Variants in UMAD1 observed in about 807,000 individuals in gnomAD.
The protein encoded by UMAD1 is UBAP1-MVB12-associated (UMA) domain containing 1.
A neutral mutation model predicts 6.1 loss-of-function variants in UMAD1; 8 were observed. The ratio of observed to expected loss-of-function variants is 1.30; its 90% CI spans 0.76 to 2.35. UMAD1 has a LOEUF of 2.35. Among genes scored for constraint, UMAD1 ranks in the 30% most tolerant of loss-of-function variants. The pLI, the probability that UMAD1 is intolerant of heterozygous loss-of-function variation, is 0.00. For synonymous variants in UMAD1, 56 were observed against 31.4 expected (o/e 1.78, Z -2.61); for missense variants, 130 against 78.4 (o/e 1.66, Z -2.49).
At chr7:7,700,506 C>T (rs562547360) in intron 2 of UMAD1, among the ~76,000 whole-genome samples, 1 of 152,198 alleles carries the variant, frequency 6.6e-6, no homozygotes, top group African/African-American at 2.4e-5. Context: ...GGGAAGATCG[C>T]TTGAGGCCAT....
At chr7:7,664,659 TGAA>T (rs1341109208) in intron 1 of UMAD1, among the ~76,000 whole-genome samples, 1 of 152,220 alleles carries the variant, frequency 6.6e-6, no homozygotes, top group Non-Finnish European at 1.5e-5. Context: ...ACACATCAGA[TGAA>T]GTTAAACTCA....
At chr7:7,687,935 A>G (rs1780078426) in intron 2 of UMAD1, among the ~76,000 whole-genome samples, 1 of 152,226 alleles carries the variant, frequency 6.6e-6, no homozygotes, top group Non-Finnish European at 1.5e-5. Flanking sequence ...AGCTGAAAAT[A>G]TGCTTGGCAG....
intron 3 of UMAD1, among the ~76,000 whole-genome samples, chr7:7,803,830 G>A (rs913337528): frequency 9.9e-5 from 15 of 151,900 alleles, no homozygotes; most frequent in Non-Finnish European, 2.1e-4. Context: ...TAATACAGTC[G>A]CCTTGGGGAT....
chr7:7,663,574 TTTAAAAGAGGA>T (rs1277282023), intron 1 of UMAD1, among the ~76,000 whole-genome samples: 2 of 152,088 alleles, frequency 1.3e-5, no homozygotes, highest in Non-Finnish European at 2.9e-5. Context: ...AAGGATAAAT[TTTAAAAGAGGA>T]TTAAATCAGG....
intron 3 of UMAD1, among the ~76,000 whole-genome samples, chr7:7,816,751 A>G (rs942127535): frequency 1.3e-5 from 2 of 151,530 alleles, no homozygotes; most frequent in Admixed American, 6.6e-5. Context: ...CTTTATTTCT[A>G]CCTCCTCTGG....
At chr7:7,811,579 A>G (rs900615805) in intron 3 of UMAD1, among the ~76,000 whole-genome samples, 8 of 152,268 alleles carry the variant, frequency 5.3e-5, no homozygotes, top group Middle Eastern at 3.4e-3. Flanking sequence ...ATTAGGTGCA[A>G]TGTTTGAGCG....
chr7:7,768,941 T>A (rs1782048139), intron 2 of UMAD1, among the ~76,000 whole-genome samples: 3 of 152,186 alleles, frequency 2.0e-5, no homozygotes, highest in Admixed American at 2.0e-4. Context: ...AACTAATTAA[T>A]ACCTATAGCT....
chr7:7,700,602 A>C (rs909659650), intron 2 of UMAD1, among the ~76,000 whole-genome samples: 3 of 151,970 alleles, frequency 2.0e-5, no homozygotes, highest in African/African-American at 7.2e-5. Context: ...CAAAAACACC[A>C]AAGGGCCGGG....
intron 3 of UMAD1, among the ~76,000 whole-genome samples, chr7:7,804,094 G>A (rs1782857392): frequency 6.6e-6 from 1 of 152,060 alleles, no homozygotes; most frequent in South Asian, 2.1e-4. Flanking sequence ...ATTAAGGCTG[G>A]ATGTACATAC....
At chr7:7,791,159 AT>A (rs137894556) in intron 2 of UMAD1, among the ~76,000 whole-genome samples, 6,569 of 152,304 alleles carry the variant, frequency 0.043, 502 homozygotes, top group African/African-American at 0.15. Context: ...AAGTGCTGGG[AT>A]TACAGGCAAG....
At chr7:7,827,147 A>ATGTG (rs60211625) in intron 3 of UMAD1, among the ~76,000 whole-genome samples, 13 of 134,198 alleles carry the variant, frequency 9.7e-5, no homozygotes, top group Admixed American at 3.8e-4. Context: ...ATATATATAT[A>ATGTG]TGTGTGTGTG....
At chr7:7,760,123 A>G (rs958572136) in intron 2 of UMAD1, among the ~76,000 whole-genome samples, 3 of 152,110 alleles carry the variant, frequency 2.0e-5, no homozygotes, top group African/African-American at 7.2e-5. Flanking sequence ...AAGAAGTCCA[A>G]CCAGCTTGAG....
intron 1 of UMAD1, among the ~76,000 whole-genome samples, chr7:7,659,516 A>T (rs936313251): frequency 2.0e-5 from 3 of 152,084 alleles, no homozygotes; most frequent in Non-Finnish European, 4.4e-5. Flanking sequence ...TTTTGTTCTC[A>T]TTGGTTTCAA....
chr7:7,744,907 G>A (rs934259672), intron 2 of UMAD1, among the ~76,000 whole-genome samples: 4 of 152,056 alleles, frequency 2.6e-5, no homozygotes, highest in Non-Finnish European at 5.9e-5. Context: ...TACAACATGG[G>A]AGTTAGGGGC....
chr7:7,799,653 G>A (rs796806057), intron 2 of UMAD1, among the ~76,000 whole-genome samples: 16 of 152,268 alleles, frequency 1.1e-4, no homozygotes, highest in African/African-American at 3.6e-4. Context: ...TAAACACAAC[G>A]TTGACCTTGT....
intron 1 of UMAD1, among the ~76,000 whole-genome samples, chr7:7,655,920 C>T (rs904654583): frequency 8.5e-5 from 13 of 152,294 alleles, no homozygotes; most frequent in African/African-American, 3.1e-4. Context: ...ACTGCAACCT[C>T]CACCTCCTGG....
At chr7:7,833,958 A>C (rs1783513031) in intron 3 of UMAD1, among the ~76,000 whole-genome samples, 1 of 142,154 alleles carries the variant, frequency 7.0e-6, no homozygotes. Flanking sequence ...TCATGTCATC[A>C]GTCTCAAGAA....
At chr7:7,782,680 C>T (rs1235881412) in intron 2 of UMAD1, among the ~76,000 whole-genome samples, 2 of 151,456 alleles carry the variant, frequency 1.3e-5, no homozygotes, top group Admixed American at 6.6e-5. Flanking sequence ...CGTTATTGAC[C>T]GTCTGTGCCT....
chr7:7,671,577 G>A (rs1544456), intron 1 of UMAD1, among the ~76,000 whole-genome samples: 124,533 of 152,144 alleles, frequency 0.82, 51,366 homozygotes, highest in Non-Finnish European at 0.88. Flanking sequence ...TGTGTAAGTC[G>A]TTTAATTTGA....
Sources: gnomAD v4.1 joint callset for allele counts (sites outside exome capture counted in the v4.1 genomes callset) on GRCh38, gnomAD v4.1.1 for gene constraint, MANE v1.5 for transcripts, NCBI Gene and HGNC (gene_info 2026-07-23, HGNC 2026-07-21) for gene names.